NBPF3: variants seen among roughly 807,000 people sequenced by gnomAD.
The protein encoded by NBPF3 is NBPF member 3.
In NBPF3, 57 loss-of-function variants were observed where a neutral mutation model predicts 78.1. The observed-to-expected ratio is 0.73, with a 90% CI of 0.59 to 0.91. The LOEUF (loss-of-function observed/expected upper bound fraction) is 0.91, where lower values mean the gene tolerates loss of function less well. Ranked by LOEUF, NBPF3 falls within the 40% of genes least tolerant of loss-of-function variation. NBPF3 has a pLI of 0.00. For synonymous variants in NBPF3, 182 were observed against 271.7 expected (o/e 0.67, Z 3.25); for missense variants, 510 against 715.3 (o/e 0.71, Z 3.27).
upstream of NBPF3, chr1:21,437,546 C>G (rs552575401): frequency 1.2e-5 from 15 of 1,282,732 alleles, no homozygotes; most frequent in South Asian, 1.7e-4. Context: ...CTGGGGAGGT[C>G]TGAGCTGGGG....
upstream of NBPF3, among the ~76,000 whole-genome samples, chr1:21,439,858 G>C (rs1349273447): frequency 6.6e-6 from 1 of 152,228 alleles, no homozygotes; most frequent in African/African-American, 2.4e-5. Context: ...GGCGGTTCAA[G>C]TGGCCGGGGA....
chr1:21,438,891 A>G (rs1193449549), upstream of NBPF3, among the ~76,000 whole-genome samples: 1 of 152,246 alleles, frequency 6.6e-6, no homozygotes, highest in Non-Finnish European at 1.5e-5. Flanking sequence ...GATTAGAAAT[A>G]GCAAATTAGT....
At chr1:21,457,184 G>T (rs1369150411) in intron 2 of NBPF3, among the ~76,000 whole-genome samples, 1 of 151,612 alleles carries the variant, frequency 6.6e-6, no homozygotes, top group African/African-American at 2.4e-5. Flanking sequence ...GTGTGTGTGT[G>T]TGTGTATGTA....
chr1:21,468,339 G>C, intron 2 of NBPF3: 1 of 1,153,104 alleles, frequency 8.7e-7, no homozygotes, highest in Non-Finnish European at 1.1e-6. Context: ...CCTCAGGTGA[G>C]ACGAGGGTGC....
intron 2 of NBPF3, among the ~76,000 whole-genome samples, chr1:21,459,483 G>A (rs892756975): frequency 6.6e-6 from 1 of 152,138 alleles, no homozygotes; most frequent in African/African-American, 2.4e-5. Context: ...AGAACACACA[G>A]GAGGGCTATG....
chr1:21,448,726 C>T (rs553740757), intron 2 of NBPF3, among the ~76,000 whole-genome samples: 1 of 152,294 alleles, frequency 6.6e-6, no homozygotes, highest in Admixed American at 6.5e-5. Flanking sequence ...CTGTCAATAC[C>T]ATTTAAGTGC....
At chr1:21,450,204 T>G (rs571611886) in intron 2 of NBPF3, among the ~76,000 whole-genome samples, 1 of 152,218 alleles carries the variant, frequency 6.6e-6, no homozygotes, top group Non-Finnish European at 1.5e-5. Flanking sequence ...ACTACAGATA[T>G]TGAAAGAGTT....
intron 2 of NBPF3, among the ~76,000 whole-genome samples, chr1:21,447,731 G>A (rs1158372052): frequency 6.6e-6 from 1 of 152,192 alleles, no homozygotes; most frequent in African/African-American, 2.4e-5. Flanking sequence ...AGGATTTTGA[G>A]TGAACTTGTT....
At position 21,471,764 on chromosome 1, in the gene NBPF3, C is replaced by T. The variant is rs541203425; in HGVS notation, c.642C>T (p.Leu214=). 2.4e-4 allele frequency: 380 copies of T among 1,613,058 alleles called. 5 individuals are homozygous for T. The highest frequency in any genetic ancestry group is 1.6e-3 in the Middle Eastern group (9 of 5,498). The change falls in exon 5 of 15, where the codon CTC becomes CTT. Residue 214 remains leucine, a synonymous_variant. Coordinates refer to ENST00000318249, the MANE Select transcript of NBPF3 (RefSeq NM_032264.6). ...LAEGCRLAQH[L]VQKLSPENDD... is the part of the protein sequence containing the mutation. ...AGGGATGTAGGCTGGCACAGCACCT[C>T]GTCCAAAAGCTCAGCCCAGGTGAGG...
chr1:21,471,849 C>T, intron 5 of NBPF3, 66 bp downstream of exon 5: 1 of 1,576,336 alleles, frequency 6.3e-7, no homozygotes, highest in Non-Finnish European at 8.7e-7. Flanking sequence ...GACCTCCATA[C>T]TTTCACAATG....
rs749610744 is a variant in NBPF3, at chr1:21,468,648, A to C, written c.134-40A>C. On this transcript the variant is annotated intron_variant, in intron 2 of 14. Coordinates refer to ENST00000318249, the MANE Select transcript of NBPF3 (RefSeq NM_032264.6). ...CTGATTAAACCTATTTGATTTCACC[A>C]GTTTTTAACCCATCGTGTGTTTGGG... 13 of 1,612,094 alleles carry C rather than the reference A, an allele frequency of 8.1e-6. 1 individual carries two copies. In the South Asian group the frequency reaches 1.3e-4, roughly 16 times the overall value.
rs113252012 is a variant in NBPF3, at chr1:21,479,810, C to G, written c.1209-241C>G. Reference sequence around the variant, plus strand: ...GCTCACTATCTCTCTCTCTCTCTCTCTCTCTCTCTCTGTGTGTGTGTGTGT... The same window carrying G: ...GCTCACTATCTCTCTCTCTCTCTCTGTCTCTCTCTCTGTGTGTGTGTGTGT... On this transcript the variant is annotated intron_variant, in intron 10 of 14. Coordinates refer to ENST00000318249, the MANE Select transcript of NBPF3 (RefSeq NM_032264.6). Among the ~76,000 whole-genome samples, 6 of 117,662 alleles carry G rather than the reference C, an allele frequency of 5.1e-5. No homozygotes were observed. In the East Asian group the frequency reaches 1.5e-3, roughly 30 times the overall value. 77.2% of individuals were successfully genotyped at this position (117,662 alleles called of 152,430 possible).
rs1642552711 is a variant in NBPF3 at position 21,470,918 on chromosome 1, A to T, written c.446+184A>T. The stretch of plus-strand genomic sequence containing the variant: ...AGGATAATAATAAGTTATGGGTTGC[A>T]GTTGTTTTTCAGAGCCTTATTTTCT... On this transcript the variant is annotated intron_variant, in intron 4 of 14. Coordinates refer to ENST00000318249, the MANE Select transcript of NBPF3 (RefSeq NM_032264.6). Among the ~76,000 whole-genome samples, 3 of 152,280 alleles carry T rather than the reference A, an allele frequency of 2.0e-5. No individual in the cohort carries two copies. In the East Asian group the frequency reaches 5.8e-4, roughly 29 times the overall value.
chr1:21,437,526 T>C (rs1640447915), upstream of NBPF3: 3 of 1,414,876 alleles, frequency 2.1e-6, no homozygotes, highest in South Asian at 2.6e-5. Flanking sequence ...AAGAAGCTCC[T>C]GAGCAGGTGC....
chr1:21,479,482 A>G, intron 10 of NBPF3, 82 bp downstream of exon 10: 5 of 1,256,758 alleles, frequency 4.0e-6, no homozygotes, highest in Non-Finnish European at 5.8e-6. Flanking sequence ...ACATGCTGAA[A>G]ATGATGATTT....
intron 7 of NBPF3, 100 bp downstream of exon 7, chr1:21,473,685 A>C: frequency 9.5e-7 from 1 of 1,048,116 alleles, no homozygotes; most frequent in Non-Finnish European, 1.5e-6. Context: ...AATAAAATCT[A>C]TTATGGTATT....
At chr1:21,451,907 A>G (rs1198620190) in intron 2 of NBPF3, 12 of 961,846 alleles carry the variant, frequency 1.2e-5, no homozygotes, top group African/African-American at 1.8e-5. Flanking sequence ...CCTATGGATC[A>G]AGGTGCATAC....
At chr1:21,473,943 C>T (rs10799694) in intron 7 of NBPF3, among the ~76,000 whole-genome samples, 1 of 152,186 alleles carries the variant, frequency 6.6e-6, no homozygotes, top group Non-Finnish European at 1.5e-5. Flanking sequence ...TTTAAGGCGA[C>T]TGGCAGCCTT....
At position 21,484,078 on chromosome 1, in the gene NBPF3, C is replaced by T. The variant is rs1643357540; in HGVS notation, c.*692C>T. The stretch of plus-strand genomic sequence containing the variant: ...GAGCCGCTGGCAAGAGACAGCATGT[C>T]ACCTGGGACTCTGCCAGTGCAGAAT... On this transcript the variant is annotated 3_prime_UTR_variant, in exon 15 of 15. Transcript: ENST00000318249. 1 of 117,694 alleles carries T rather than the reference C, an allele frequency of 8.5e-6. No individual in the cohort carries two copies. Among genetic ancestry groups the T allele is most frequent in the Non-Finnish European group, 1.9e-5 (1 of 53,656 alleles). 7.3% of individuals were successfully genotyped at this position (117,694 alleles called of 1,614,324 possible).
Sources: allele counts gnomAD v4.1 joint callset (sites outside exome capture counted in the v4.1 genomes callset), GRCh38; gene constraint gnomAD v4.1.1; transcripts MANE v1.5; gene names NCBI Gene and HGNC (gene_info 2026-07-23, HGNC 2026-07-21).